Variants in GOLGA8B observed in about 807,000 individuals in gnomAD.
GOLGA8B encodes the protein golgin subfamily A member 8B.
Under a neutral mutation model 15.6 loss-of-function variants are expected in GOLGA8B, and 1 was observed. The ratio of observed to expected loss-of-function variants is 0.06; its 90% CI spans 0.02 to 0.30. The LOEUF is 0.30. Ranked by LOEUF, GOLGA8B falls within the 10% of genes least tolerant of loss-of-function variation. The probability of loss-of-function intolerance (pLI) is 1.00; values close to 1 mark genes in which losing one functional copy is unlikely to be tolerated. For synonymous variants in GOLGA8B, 9 were observed against 80.3 expected (o/e 0.11, Z 4.75); for missense variants, 17 against 201.3 (o/e 0.08, Z 5.54).
At chr15:34,564,196 TTGTC>T (rs1410171955) in intron 1 of GOLGA8B, among the ~76,000 whole-genome samples, 5 of 144,242 alleles carry the variant, frequency 3.5e-5, no homozygotes, top group Non-Finnish European at 3.1e-5. Flanking sequence ...CCTCCACAAA[TTGTC>T]TGGCCCAGTA....
chr15:34,580,622 G>C (rs1434246852), intron 1 of GOLGA8B, among the ~76,000 whole-genome samples: 1 of 152,118 alleles, frequency 6.6e-6, no homozygotes, highest in Non-Finnish European at 1.5e-5. Flanking sequence ...AGCTGACTCA[G>C]CCTGTGCCAG....
rs1894427930 is a variant in GOLGA8B, at chr15:34,525,777, A to G, written c.*1855T>C. 6.7e-6 allele frequency: 1 copy of G among 149,670 alleles called. No homozygotes were observed. The highest frequency in any genetic ancestry group is 1.5e-5 in the Non-Finnish European group (1 of 67,192). The allele number at this position is 149,670 out of a possible 1,614,324, so 9.3% of individuals were successfully genotyped here. Reference sequence around the variant, plus strand: ...CCCAATATCTGCCCTCTTTCAGTGAATGCCGGCAAATCTGTTATTCCATTG... The same window carrying G: ...CCCAATATCTGCCCTCTTTCAGTGAGTGCCGGCAAATCTGTTATTCCATTG... On this transcript the variant is annotated 3_prime_UTR_variant, in exon 24 of 24. Coordinates refer to ENST00000683415, the MANE Select transcript of GOLGA8B (RefSeq NM_001023567.5).
chr15:34,548,489 AG>A lies in GOLGA8B; in HGVS notation c.-574-1508del, dbSNP rs1421542467. On this transcript the variant is annotated intron_variant, in intron 4 of 23. Coordinates refer to ENST00000683415, the MANE Select transcript of GOLGA8B (RefSeq NM_001023567.5). Reference sequence around the variant, plus strand: ...AGCTCCTTTAGAATGAATGTCCAAAAGAGATCATAATAGCCTAAATCTAATC... The same window carrying A: ...AGCTCCTTTAGAATGAATGTCCAAAAAGATCATAATAGCCTAAATCTAATC... Among the ~76,000 whole-genome samples the A allele has an allele frequency of 2.1e-5, 3 of 146,000 alleles. No homozygotes were observed. The Admixed American group carries it at 2.1e-4, about 10-fold the overall frequency.
intron 1 of GOLGA8B, among the ~76,000 whole-genome samples, chr15:34,582,492 C>T (rs79896792): frequency 2.0e-5 from 3 of 152,242 alleles, no homozygotes; most frequent in Admixed American, 6.5e-5. Context: ...AAGTTTGGGG[C>T]GCTTCATCCA....
intron 1 of GOLGA8B, among the ~76,000 whole-genome samples, chr15:34,554,322 G>C (rs1888432111): frequency 6.6e-6 from 1 of 152,292 alleles, no homozygotes; most frequent in Non-Finnish European, 1.5e-5. Context: ...CGGTCTGCCT[G>C]TCACCTGCAG....
chr15:34,564,395 AC>A, intron 1 of GOLGA8B, among the ~76,000 whole-genome samples: 1 of 144,172 alleles, frequency 6.9e-6, no homozygotes, highest in Non-Finnish European at 1.5e-5. Flanking sequence ...CTTCATCTTT[AC>A]TTCTAGGCTG....
At chr15:34,566,866 T>G (rs866476708) in intron 1 of GOLGA8B, among the ~76,000 whole-genome samples, 52 of 125,502 alleles carry the variant, frequency 4.1e-4, no homozygotes, top group Middle Eastern at 3.7e-3. Flanking sequence ...AACCTGAGTT[T>G]CTTTCTGAAA....
intron 4 of GOLGA8B, among the ~76,000 whole-genome samples, chr15:34,550,856 G>A (rs1427318909): frequency 6.5e-4 from 90 of 139,462 alleles, no homozygotes; most frequent in Non-Finnish European, 8.6e-4. Context: ...TTAGCCTGGT[G>A]TGGTGGCTCA....
At chr15:34,571,843 T>G (rs1167958461) in intron 1 of GOLGA8B, among the ~76,000 whole-genome samples, 1 of 152,036 alleles carries the variant, frequency 6.6e-6, no homozygotes, top group Non-Finnish European at 1.5e-5. Context: ...TTCCAAATTT[T>G]TACATTGCCA....
At chr15:34,578,552 G>C (rs781116000) in intron 1 of GOLGA8B, among the ~76,000 whole-genome samples, 2 of 152,208 alleles carry the variant, frequency 1.3e-5, no homozygotes, top group African/African-American at 2.4e-5. Context: ...CGTCACAGCA[G>C]AGTGCTCTTA....
intron 7 of GOLGA8B, among the ~76,000 whole-genome samples, chr15:34,538,978 CACTT>C (rs1191277856): frequency 7.4e-6 from 1 of 135,774 alleles, no homozygotes; most frequent in African/African-American, 2.7e-5. Flanking sequence ...TCAGACAAAT[CACTT>C]ACAATTCTGT....
rs544860558 is a variant in GOLGA8B at position 34,527,304 on chromosome 15, C to A, written c.*328G>T. On this transcript the variant is annotated 3_prime_UTR_variant, in exon 24 of 24. Coordinates refer to ENST00000683415, the MANE Select transcript of GOLGA8B (RefSeq NM_001023567.5). ...AGCACGGGAGCCTATTCCAAACCAG[C>A]GAGAACAGTTTTGTGCAAAGAGTGG... 9 of 374,630 alleles carry A rather than the reference C, an allele frequency of 2.4e-5. 1 individual carries two copies. Among genetic ancestry groups the A allele is most frequent in the Admixed American group, 2.2e-4 (5 of 22,782 alleles). The allele number at this position is 374,630 out of a possible 1,614,324, so 23.2% of individuals were successfully genotyped here. A position where few individuals can be genotyped will look rare whatever the true frequency, so the allele number is the denominator to read the frequency against.
At chr15:34,561,012 C>G (rs894809105) in intron 1 of GOLGA8B, among the ~76,000 whole-genome samples, 2 of 146,440 alleles carry the variant, frequency 1.4e-5, no homozygotes, top group Admixed American at 7.1e-5. Context: ...AGCGGCGGAG[C>G]TTCCACCTTC....
At chr15:34,581,442 G>A (rs1361654026) in intron 1 of GOLGA8B, 1 of 152,222 alleles carries the variant, frequency 6.6e-6, no homozygotes, top group African/African-American at 2.4e-5. Context: ...TTCCAGGGGT[G>A]TGATCAGTGT....
chr15:34,567,673 A>T (rs1165236473), intron 1 of GOLGA8B, among the ~76,000 whole-genome samples: 1 of 152,016 alleles, frequency 6.6e-6, no homozygotes, highest in East Asian at 1.9e-4. Context: ...TGAAAATCAA[A>T]GAGCCATTCC....
chr15:34,579,657 T>G (rs1211112685), intron 1 of GOLGA8B, among the ~76,000 whole-genome samples: 2 of 152,064 alleles, frequency 1.3e-5, no homozygotes, highest in Non-Finnish European at 2.9e-5. Context: ...GCCCACTGAG[T>G]AAGGGTCTGT....
intron 1 of GOLGA8B, among the ~76,000 whole-genome samples, chr15:34,577,498 T>C (rs1889113143): frequency 7.7e-6 from 1 of 129,112 alleles, no homozygotes; most frequent in African/African-American, 3.0e-5. Flanking sequence ...TGAAAAAAAT[T>C]ATATATCATA....
At position 34,573,563 on chromosome 15, in the gene GOLGA8B, A is replaced by T. The variant is rs63645160; in HGVS notation, c.-1123+9953T>A. ...AAAAAAAAAAAAAAAAAAAAAAAAA[A>T]TTCACCAGAAGTTCCCAAGGAATTT... On this transcript the variant is annotated intron_variant, in intron 1 of 23. Transcript: ENST00000683415. Among the ~76,000 whole-genome samples the T allele has an allele frequency of 5.4e-3, 794 of 147,666 alleles. 15 individuals carry two copies. Among genetic ancestry groups the T allele is most frequent in the African/African-American group, 0.019 (748 of 40,314 alleles).
chr15:34,572,759 G>C (rs1888955592), intron 1 of GOLGA8B, among the ~76,000 whole-genome samples: 1 of 152,126 alleles, frequency 6.6e-6, no homozygotes, highest in African/African-American at 2.4e-5. Context: ...TTTATAATTA[G>C]TACATCTGAA....
Sources: allele counts gnomAD v4.1 joint callset (sites outside exome capture counted in the v4.1 genomes callset), GRCh38; gene constraint gnomAD v4.1.1; transcripts MANE v1.5; gene names NCBI Gene and HGNC (gene_info 2026-07-23, HGNC 2026-07-21).